Variants in KCNH8 observed in about 807,000 individuals in gnomAD.
The protein encoded by KCNH8 is potassium voltage-gated channel subfamily H member 8, also known as voltage-gated delayed rectifier potassium channel KCNH8.
KCNH8 carries 70 observed loss-of-function variants against 103.6 expected under a neutral mutation model. The observed-to-expected ratio is 0.68, with a 90% CI of 0.56 to 0.82. The LOEUF is 0.82. KCNH8 is among the 40% of genes least tolerant of loss of function. KCNH8 has a pLI of 0.00. For missense variants in KCNH8, 1,217 were observed against 1,329.9 expected (o/e 0.92, Z 1.32); for synonymous variants, 498 against 489.4 (o/e 1.02, Z -0.23).
In KCNH8 at chr3:19,344,462, T is replaced by C. The variant is rs189425302; in HGVS notation, c.570+1748T>C. On this transcript the variant is annotated intron_variant, in intron 4 of 15. Coordinates refer to ENST00000328405, the MANE Select transcript of KCNH8 (RefSeq NM_144633.3). Reference sequence around the variant, plus strand: ...ACTTAGCTAATTTGCTTAATTGCCATTCATTTAAGAAATACAAACATCAGA... The same window carrying C: ...ACTTAGCTAATTTGCTTAATTGCCACTCATTTAAGAAATACAAACATCAGA... Among the ~76,000 whole-genome samples, 165 of 152,216 alleles carry C rather than the reference T, an allele frequency of 1.1e-3. 1 individual carries two copies. Among genetic ancestry groups the C allele is most frequent in the Non-Finnish European group, 1.8e-3 (119 of 67,996 alleles).
intron 7 of KCNH8, among the ~76,000 whole-genome samples, chr3:19,410,631 T>C (rs2066761615): frequency 6.6e-6 from 1 of 151,098 alleles, no homozygotes; most frequent in Non-Finnish European, 1.5e-5. Flanking sequence ...ATAAACAAGG[T>C]CAATAGACCA....
intron 11 of KCNH8, among the ~76,000 whole-genome samples, chr3:19,490,882 A>AT (rs1002775604): frequency 5.9e-5 from 9 of 152,002 alleles, no homozygotes; most frequent in Admixed American, 1.3e-4. Context: ...AGCACAATGG[A>AT]TTTTTTTTAA....
chr3:19,375,290 A>G (rs1185416473), intron 5 of KCNH8, among the ~76,000 whole-genome samples: 3 of 149,712 alleles, frequency 2.0e-5, no homozygotes, highest in Non-Finnish European at 4.5e-5. Flanking sequence ...TATTTCTTGG[A>G]GGCTTTGCTC....
chr3:19,182,298 G>A (rs60315709), intron 1 of KCNH8, among the ~76,000 whole-genome samples: 1 of 152,026 alleles, frequency 6.6e-6, no homozygotes. Flanking sequence ...GGAGGCCGAC[G>A]GGGGCAGATC....
At chr3:19,398,225 C>T (rs2066554531) in intron 7 of KCNH8, among the ~76,000 whole-genome samples, 1 of 151,868 alleles carries the variant, frequency 6.6e-6, no homozygotes, top group South Asian at 2.1e-4. Flanking sequence ...AATAATAGAG[C>T]TTAAAATCTG....
At chr3:19,455,440 A>G (rs942273283) in intron 10 of KCNH8, among the ~76,000 whole-genome samples, 1 of 152,132 alleles carries the variant, frequency 6.6e-6, no homozygotes, top group African/African-American at 2.4e-5. Flanking sequence ...AGCAAAGATC[A>G]ATAGTATAAT....
At chr3:19,171,355 T>C (rs1410287281) in intron 1 of KCNH8, among the ~76,000 whole-genome samples, 3 of 152,352 alleles carry the variant, frequency 2.0e-5, no homozygotes, top group East Asian at 3.9e-4. Flanking sequence ...CCTTGGAGAA[T>C]ACAGCTTATA....
intron 5 of KCNH8, among the ~76,000 whole-genome samples, chr3:19,386,083 T>C (rs2066352226): frequency 6.6e-6 from 1 of 152,198 alleles, no homozygotes; most frequent in Non-Finnish European, 1.5e-5. Context: ...TTGTGCTTTC[T>C]AGTTACATAG....
At chr3:19,431,699 G>C (rs1225001320) in intron 7 of KCNH8, among the ~76,000 whole-genome samples, 1 of 151,778 alleles carries the variant, frequency 6.6e-6, no homozygotes, top group Non-Finnish European at 1.5e-5. Context: ...ACCTGTTCAG[G>C]GATTCAATTT....
intron 5 of KCNH8, among the ~76,000 whole-genome samples, chr3:19,367,426 T>C (rs1312014473): frequency 6.8e-6 from 1 of 146,578 alleles, no homozygotes; most frequent in Non-Finnish European, 1.5e-5. Flanking sequence ...ATCAGAAATA[T>C]ATATATCATA....
intron 15 of KCNH8, among the ~76,000 whole-genome samples, chr3:19,520,563 A>T (rs944016104): frequency 2.6e-5 from 4 of 151,972 alleles, no homozygotes; most frequent in Admixed American, 6.6e-5. Context: ...ATAGAAAAAA[A>T]ACTTTTTAAA....
At chr3:19,403,399 T>TATATATATATATATAA (rs1491066162) in intron 7 of KCNH8, among the ~76,000 whole-genome samples, 1 of 139,788 alleles carries the variant, frequency 7.2e-6, no homozygotes, top group East Asian at 2.2e-4. Flanking sequence ...TATATATATA[T>TATATATATATATATAA]AAAATCCTTC....
intron 3 of KCNH8, among the ~76,000 whole-genome samples, chr3:19,315,243 A>G (rs1257776737): frequency 6.6e-6 from 1 of 151,962 alleles, no homozygotes; most frequent in Non-Finnish European, 1.5e-5. Flanking sequence ...TTTCTGATCC[A>G]AGAGGTAGGA....
chr3:19,242,973 C>G (rs2064160920), intron 1 of KCNH8, among the ~76,000 whole-genome samples: 2 of 152,148 alleles, frequency 1.3e-5, no homozygotes, highest in African/African-American at 4.8e-5. Flanking sequence ...AGTATTACAG[C>G]TCTAAGGATG....
chr3:19,453,774 A>G (rs2067487103), intron 10 of KCNH8, among the ~76,000 whole-genome samples: 1 of 152,204 alleles, frequency 6.6e-6, no homozygotes, highest in South Asian at 2.1e-4. Flanking sequence ...GCCCTTACCA[A>G]ACACCAGCCT....
chr3:19,534,373 G>A lies in KCNH8; in HGVS notation c.*274G>A, dbSNP rs1225422739. On this transcript the variant is annotated 3_prime_UTR_variant, in exon 16 of 16. Transcript: ENST00000328405. The stretch of plus-strand genomic sequence containing the variant: ...AACAATCCAAAGACCCTGAGGGTCT[G>A]AGCAGCTAGAAGTCCTAGACAAAGA... 1 of 448,046 alleles carries A rather than the reference G, an allele frequency of 2.2e-6. No individual in the cohort carries two copies. The allele number at this position is 448,046 out of a possible 1,614,324, so 27.8% of individuals were successfully genotyped here. A position where few individuals can be genotyped will look rare whatever the true frequency, so the allele number is the denominator to read the frequency against.
At position 19,507,854 on chromosome 3, in the gene KCNH8, C is replaced by G. The variant is rs2068722224; in HGVS notation, c.2041-2509C>G. On this transcript the variant is annotated intron_variant, in intron 11 of 15. Coordinates refer to ENST00000328405, the MANE Select transcript of KCNH8 (RefSeq NM_144633.3). ...CAAGACAGCAAAAATGGCGGCTTGC[C>G]TCTGTGGGAGCACTGTCCCAGGAAA... Among the ~76,000 whole-genome samples the G allele has an allele frequency of 1.3e-5, 2 of 152,172 alleles. 1 individual carries two copies. Among genetic ancestry groups the G allele is most frequent in the African/African-American group, 4.8e-5 (2 of 41,452 alleles).
intron 11 of KCNH8, among the ~76,000 whole-genome samples, chr3:19,505,275 A>G (rs2068670044): frequency 6.6e-6 from 1 of 152,028 alleles, no homozygotes; most frequent in Non-Finnish European, 1.5e-5. Flanking sequence ...GGACACCAAG[A>G]GGGGAACAAC....
At chr3:19,284,981 T>C (rs2064811859) in intron 3 of KCNH8, among the ~76,000 whole-genome samples, 1 of 151,654 alleles carries the variant, frequency 6.6e-6, no homozygotes, top group Non-Finnish European at 1.5e-5. Context: ...AGGCAAAGTC[T>C]TTTTTGGACA....
Sources: allele counts gnomAD v4.1 joint callset (sites outside exome capture counted in the v4.1 genomes callset), GRCh38; gene constraint gnomAD v4.1.1; transcripts MANE v1.5; gene names NCBI Gene and HGNC (gene_info 2026-07-23, HGNC 2026-07-21).